The following ZZEF1 variants were observed in gnomAD, a reference collection of about 807,000 sequenced individuals.
The protein encoded by ZZEF1 is zinc finger ZZ-type and EF-hand domain-containing protein 1.
ZZEF1 carries 157 observed loss-of-function variants against 342.8 expected under a neutral mutation model. The ratio of observed to expected loss-of-function variants is 0.46; its 90% confidence interval spans 0.40 to 0.52. The LOEUF (loss-of-function observed/expected upper bound fraction) is 0.52, where lower values mean the gene tolerates loss of function less well. Among genes scored for constraint, ZZEF1 ranks in the 20% least tolerant of loss-of-function variants. ZZEF1 has a pLI of 0.00. For synonymous variants in ZZEF1, 1,505 were observed against 1,429.1 expected, an observed-to-expected ratio of 1.05 and a Z score of -1.20; for missense variants, 3,480 against 3,725.6, an observed-to-expected ratio of 0.93 and a Z score of 1.72.
intron 42 of ZZEF1, among the ~76,000 whole-genome samples, chr17:4,028,441 G>C (rs931851150): frequency 6.6e-6 from 1 of 151,930 alleles, no homozygotes; most frequent in Non-Finnish European, 1.5e-5. Flanking sequence ...CCAGCTACTT[G>C]GGAGGCTGAG....
chr17:4,127,329 T>C (rs1410336343), intron 1 of ZZEF1, among the ~76,000 whole-genome samples: 1 of 152,166 alleles, frequency 6.6e-6, no homozygotes, highest in African/African-American at 2.4e-5. Flanking sequence ...GAAACTGGAC[T>C]TTGTGTTTTG....
At chr17:4,067,424 G>A (rs552140164) in intron 26 of ZZEF1, among the ~76,000 whole-genome samples, 182 bp from the exon 27 acceptor site, 12 of 152,140 alleles carry the variant, frequency 7.9e-5, no homozygotes, top group African/African-American at 2.9e-4. Context: ...TACCTGTGTG[G>A]GTTCCTGTGT....
In ZZEF1 at chr17:4,112,076, ATATATATATATATATATGTTT is replaced by A. The variant is rs1361914014; in HGVS notation, c.1066+512_1066+532del. ...TATATATATATATATATATATATAT[ATATATATATATATATATGTTT>A]TGTTTTGTTTTTAATGAAAAAAATG... On this transcript the variant is annotated intron_variant, in intron 5 of 54. Transcript: ENST00000381638. Among the ~76,000 whole-genome samples, 21 of 45,544 alleles carry A rather than the reference ATATATATATATATATATGTTT, an allele frequency of 4.6e-4. 1 individual carries two copies. The highest frequency in any genetic ancestry group is 8.3e-4 in the Admixed American group (4 of 4,792). 29.9% of individuals were successfully genotyped at this position (45,544 alleles called of 152,430 possible).
At position 4,014,270 on chromosome 17, in the gene ZZEF1, C is replaced by T. The variant is rs2056042723; in HGVS notation, c.8314+77G>A. On this transcript the variant is annotated intron_variant, in intron 50 of 54. Coordinates refer to ENST00000381638, the MANE Select transcript of ZZEF1 (RefSeq NM_015113.4). The surrounding 1 kb of genome is among the most constrained non-coding windows in gnomAD (Gnocchi z 4.4). ...AGTGGTGTTGGGTTTCAACATTCTC[C>T]AGTAAGTTCCCTTCTCAATATTAAG... 22 of 1,610,474 alleles carry T rather than the reference C, an allele frequency of 1.4e-5. No homozygotes were observed. The highest frequency in any genetic ancestry group is 1.9e-5 in the Non-Finnish European group (22 of 1,176,926).
rs1485665973 is a variant in ZZEF1 at position 4,109,526 on chromosome 17, G to T, written c.1277+127C>A. 6 of 902,542 alleles carry T rather than the reference G, an allele frequency of 6.6e-6. No individual in the cohort carries two copies. In the African/African-American group the frequency reaches 1.0e-4, roughly 15 times the overall value. 55.9% of individuals were successfully genotyped at this position (902,542 alleles called of 1,614,324 possible). ...AGTGGCACGAACAGGAAACACTAGG[G>T]CACCTGAGGCCGAGCTGACTGAGCC... On this transcript the variant is annotated intron_variant, in intron 6 of 54. Coordinates refer to ENST00000381638, the MANE Select transcript of ZZEF1 (RefSeq NM_015113.4).
chr17:4,128,848 T>C (rs755846347), intron 1 of ZZEF1, among the ~76,000 whole-genome samples: 20 of 143,962 alleles, frequency 1.4e-4, no homozygotes, highest in Non-Finnish European at 2.7e-4. Flanking sequence ...CTCGGCTTAC[T>C]GCAACCTCCG....
Position 4,016,593 on chromosome 17 carries a change from A to C in ZZEF1, c.8002-127T>G. On this transcript the variant is annotated intron_variant, in intron 48 of 54. Coordinates refer to ENST00000381638, the MANE Select transcript of ZZEF1 (RefSeq NM_015113.4). The surrounding 1 kb of genome is among the most constrained non-coding windows in gnomAD (Gnocchi z 4.4). The stretch of plus-strand genomic sequence containing the variant: ...CTTAGACCTAGGACGAGCCTCTGTG[A>C]CTCCACCACCCAAAACCAACTCCAC... 2.5e-6 allele frequency: 3 copies of C among 1,179,896 alleles called. No homozygotes were observed. The highest frequency in any genetic ancestry group is 2.7e-5 in the East Asian group (1 of 37,460). 73.1% of individuals were successfully genotyped at this position (1,179,896 alleles called of 1,614,324 possible). A position where few individuals can be genotyped will look rare whatever the true frequency, so the allele number is the denominator to read the frequency against.
rs753257418 is a variant in ZZEF1 at position 4,123,916 on chromosome 17, G to C, written c.490C>G (p.Leu164Val). 27 of 1,613,346 alleles carry C rather than the reference G, an allele frequency of 1.7e-5. No individual in the cohort carries two copies. Among genetic ancestry groups the C allele is most frequent in the Non-Finnish European group, 2.2e-5 (26 of 1,179,800 alleles). ...HIIRQLQACS[L>V]VPGFTDIFSE... is the part of the protein sequence containing the mutation. ...TAGATGGAAGCCTCACCTGGAACCA[G>C]AGAGCAGGCCTGTAGTTGTCTGATG... Residue 164 changes from leucine (L) to valine (V), a missense_variant, in exon 2 of 55, where the codon CTG becomes GTG. Physicochemically the swap from Leu to Val is conservative, Grantham distance 32. Transcript: ENST00000381638.
chr17:4,026,816 A>T (rs1567772700), intron 42 of ZZEF1, among the ~76,000 whole-genome samples: 1 of 151,944 alleles, frequency 6.6e-6, no homozygotes, highest in Non-Finnish European at 1.5e-5. Context: ...CACCACACCC[A>T]GCCTTTAAAG....
chr17:4,063,996 G>A (rs887652923), intron 29 of ZZEF1, among the ~76,000 whole-genome samples: 8 of 151,928 alleles, frequency 5.3e-5, no homozygotes, highest in African/African-American at 1.9e-4. Context: ...CCAAATTGCT[G>A]GGATTACAGG....
At chr17:4,024,192 T>G (rs1360621131) in intron 43 of ZZEF1, among the ~76,000 whole-genome samples, 1 of 128,568 alleles carries the variant, frequency 7.8e-6, no homozygotes, top group African/African-American at 3.6e-5. Context: ...CCAGGTTTTT[T>G]TTTTTTTTTT....
chr17:4,060,525 G>A (rs1237207899), intron 30 of ZZEF1, among the ~76,000 whole-genome samples: 1 of 148,828 alleles, frequency 6.7e-6, no homozygotes, highest in East Asian at 2.0e-4. Flanking sequence ...CTCCAGCCTG[G>A]GTGACACAGC....
intron 2 of ZZEF1, among the ~76,000 whole-genome samples, chr17:4,121,567 A>G (rs772984660): frequency 4.0e-4 from 61 of 152,162 alleles, no homozygotes; most frequent in Non-Finnish European, 5.6e-4. Context: ...TGGAGGCTGC[A>G]GTGAATGGAG....
chr17:4,074,275 T>C lies in ZZEF1; in HGVS notation c.3560A>G (p.Lys1187Arg). 1.9e-6 allele frequency: 3 copies of C among 1,614,100 alleles called. No individual in the cohort carries two copies. Among genetic ancestry groups the C allele is most frequent in the Non-Finnish European group, 2.5e-6 (3 of 1,180,018 alleles). Reference sequence around the variant, plus strand: ...CAGCCCACAGGCAGTGACAGTGAATTTGTAGCCCCATTCGTTGTGACTGCT... The same window carrying C: ...CAGCCCACAGGCAGTGACAGTGAATCTGTAGCCCCATTCGTTGTGACTGCT... Reference protein sequence around the residue: ...SDSSHNEWGYKFTVTACGLPD... With the variant: ...SDSSHNEWGYRFTVTACGLPD... The change falls in exon 24 of 55, where the codon AAA becomes AGA. Residue 1187 changes from lysine to arginine, a missense_variant. By Grantham distance (26) the Lys-to-Arg change is conservative (BLOSUM62 2). Coordinates refer to ENST00000381638, the MANE Select transcript of ZZEF1 (RefSeq NM_015113.4).
Position 4,044,329 on chromosome 17 carries a change from GC to G in ZZEF1, c.6060del (p.Lys2020AsnfsTer49), listed in dbSNP as rs763948513. 1 of 1,613,936 alleles carries G rather than the reference GC, an allele frequency of 6.2e-7. No individual in the cohort carries two copies. On this transcript the variant is annotated frameshift_variant, in exon 38 of 55. Transcript: ENST00000381638. LOFTEE classifies it high-confidence loss of function. ...ACACCTTTATCTGCCTTATTTCTCT[GC>G]TTGAAATCTACAGGTCTGATTTCCT... ...VHEEIRPVDF[K>X]QRNKADKGVS... is the part of the protein sequence containing the mutation.
In ZZEF1 at chr17:4,070,770, C is replaced by G; in HGVS notation, c.3989G>C (p.Gly1330Ala). The part of the protein sequence containing the change: ...KQAPKTDIVA[G>A]STIDQAVNAT... The stretch of plus-strand genomic sequence containing the variant: ...GTTCACAGCTTGATCAATAGTGGAA[C>G]CAGCAACTATATCTGTCTTTGGGGC... The change falls in exon 26 of 55, where the codon GGT becomes GCT. Residue 1330 changes from glycine to alanine, a missense_variant. This residue lies in a region of ZZEF1 where 1,528 missense variants were observed against 1,624.1 expected (regional missense o/e 0.94). Transcript: ENST00000381638. 1.2e-6 allele frequency: 2 copies of G among 1,614,068 alleles called. No individual in the cohort carries two copies. The highest frequency in any genetic ancestry group is 8.5e-7 in the Non-Finnish European group (1 of 1,180,020).
At position 4,067,245 on chromosome 17, in the gene ZZEF1, G is replaced by T; in HGVS notation, c.4076-3C>A. On this transcript the variant is annotated splice_region_variant and splice_polypyrimidine_tract_variant and intron_variant, in intron 26 of 54. Transcript: ENST00000381638. ...GGCTATTTTGCCCCCACTGTTGACT[G>T]GGGAGAGAAGCAGAGATGGAGATTA... 12 of 1,611,288 alleles carry T rather than the reference G, an allele frequency of 7.4e-6. No homozygotes were observed. The highest frequency in any genetic ancestry group is 1.0e-5 in the Non-Finnish European group (12 of 1,178,732).
Position 4,033,109 on chromosome 17 carries a change from A to T in ZZEF1, c.6585-107T>A. 4.6e-6 allele frequency: 5 copies of T among 1,089,472 alleles called. 1 individual carries two copies. The South Asian group carries it at 8.8e-5, about 19-fold the overall frequency. The allele number at this position is 1,089,472 out of a possible 1,614,324, so 67.5% of individuals were successfully genotyped here. The stretch of plus-strand genomic sequence containing the variant: ...CCCAGAAGCCTTCAAAGAGCCATTC[A>T]TTAACTAGCTTAAAAACTACCAGAA... On this transcript the variant is annotated intron_variant, in intron 40 of 54. Transcript: ENST00000381638.
Position 4,064,438 on chromosome 17 carries a change from C to T in ZZEF1, c.4641G>A (p.Val1547=), listed in dbSNP as rs2057349365. The T allele has an allele frequency of 5.0e-6, 8 of 1,613,930 alleles. No individual in the cohort carries two copies. Among genetic ancestry groups the T allele is most frequent in the Non-Finnish European group, 6.8e-6 (8 of 1,179,964 alleles). Residue 1547 remains valine, a synonymous_variant, in exon 29 of 55, where the codon GTG becomes GTA. Coordinates refer to ENST00000381638, the MANE Select transcript of ZZEF1 (RefSeq NM_015113.4). ...CAGGGTATTTCTCTTTCACTGTGGG[C>T]ACCAGTCTGGCCTCCTCCATGGATC... ...SFRSMEEARL[V]PTVKEKYPVL...
Sources: gnomAD v4.1 joint callset for allele counts (sites outside exome capture counted in the v4.1 genomes callset) on GRCh38, gnomAD v4.1.1 for gene constraint, gnomAD v4.1.1 regional missense constraint, Gnocchi (gnomAD v3.1) non-coding constraint, MANE v1.5 for transcripts, NCBI Gene and HGNC (gene_info 2026-07-23, HGNC 2026-07-21) for gene names.